RGS6: variants seen among roughly 807,000 people sequenced by gnomAD.
RGS6 encodes the protein regulator of G protein signaling 6, also known as regulator of G-protein signaling 6.
Under a neutral mutation model 78.5 loss-of-function variants are expected in RGS6, and 30 were observed. The observed-to-expected ratio is 0.38, with a 90% confidence interval of 0.29 to 0.52. The LOEUF is 0.52. Among genes scored for constraint, RGS6 ranks in the 20% least tolerant of loss-of-function variants. RGS6 has a pLI of 0.85. For synonymous variants in RGS6, 206 were observed against 206.0 expected (o/e 1.00, Z 0.00); for missense variants, 495 against 609.7 (o/e 0.81, Z 1.98).
At chr14:72,323,177 G>A (rs569891638) in intron 2 of RGS6, among the ~76,000 whole-genome samples, 5 of 151,990 alleles carry the variant, frequency 3.3e-5, no homozygotes, top group Admixed American at 2.6e-4. Flanking sequence ...AAACAATAAG[G>A]AAATACACTT....
intron 1 of RGS6, among the ~76,000 whole-genome samples, chr14:71,957,078 AGT>A (rs2092844501): frequency 6.6e-6 from 1 of 152,192 alleles, no homozygotes; most frequent in Non-Finnish European, 1.5e-5. Flanking sequence ...CATGTGAGAT[AGT>A]GACTCAGAAG....
At chr14:72,144,476 G>C (rs2096581366) in intron 2 of RGS6, among the ~76,000 whole-genome samples, 1 of 152,158 alleles carries the variant, frequency 6.6e-6, no homozygotes, top group African/African-American at 2.4e-5. Context: ...TGAGCCTTGA[G>C]GTTCAACTTT....
intron 3 of RGS6, among the ~76,000 whole-genome samples, chr14:72,422,713 C>G (rs1411002713): frequency 2.6e-5 from 4 of 152,144 alleles, no homozygotes; most frequent in African/African-American, 9.7e-5. Context: ...AAGGGCCAAG[C>G]ACAGTGGTGA....
intron 2 of RGS6, among the ~76,000 whole-genome samples, chr14:72,268,383 T>G (rs1445296851): frequency 6.6e-6 from 1 of 152,214 alleles, no homozygotes; most frequent in South Asian, 2.1e-4. Context: ...TTCATTTCAC[T>G]TCATAGCAAC....
chr14:72,252,491 C>T (rs2056054882), intron 2 of RGS6, among the ~76,000 whole-genome samples: 1 of 152,166 alleles, frequency 6.6e-6, no homozygotes, highest in Non-Finnish European at 1.5e-5. Context: ...TGTCTGTAAT[C>T]CTAGAAATAC....
intron 2 of RGS6, among the ~76,000 whole-genome samples, chr14:72,218,606 A>G (rs759840964): frequency 1.1e-4 from 17 of 151,524 alleles, no homozygotes; most frequent in Non-Finnish European, 2.2e-4. Flanking sequence ...GTTTAAATAC[A>G]TCTTATTTAT....
intron 2 of RGS6, among the ~76,000 whole-genome samples, chr14:72,246,163 T>C (rs940707661): frequency 2.0e-5 from 3 of 152,246 alleles, no homozygotes; most frequent in Non-Finnish European, 4.4e-5. Context: ...ATAACGATTG[T>C]TGACCCACTG....
At position 72,331,847 on chromosome 14, in the gene RGS6, A is replaced by C. The variant is rs150421976; in HGVS notation, c.85-20248A>C. Reference sequence around the variant, plus strand: ...TTTTCTCCGTGGACTATCCAGATGCATGCTTCTTTTACAGTTCATGTCTGC... The same window carrying C: ...TTTTCTCCGTGGACTATCCAGATGCCTGCTTCTTTTACAGTTCATGTCTGC... On this transcript the variant is annotated intron_variant, in intron 2 of 17. Transcript: ENST00000553525. Among the ~76,000 whole-genome samples the C allele has an allele frequency of 7.2e-3, 1,099 of 152,306 alleles. 17 individuals are homozygous for C. The highest frequency in any genetic ancestry group is 0.024 in the African/African-American group (1,010 of 41,570).
chr14:72,540,030 T>C lies in RGS6; in HGVS notation c.1369-11T>C. ...TATTTTTCTCCCTACCCTTTTTTTT[T>C]TTTCCTAAAGCCAGAAAGTGAGCAA... On this transcript the variant is annotated splice_polypyrimidine_tract_variant and intron_variant, in intron 16 of 17. Coordinates refer to ENST00000553525, the MANE Select transcript of RGS6 (RefSeq NM_001204424.2). 6.4e-7 allele frequency: 1 copy of C among 1,562,372 alleles called. No homozygotes were observed. Among genetic ancestry groups the C allele is most frequent in the Non-Finnish European group, 8.6e-7 (1 of 1,167,894 alleles).
At chr14:72,403,155 G>T (rs779101586) in intron 3 of RGS6, among the ~76,000 whole-genome samples, 1 of 152,128 alleles carries the variant, frequency 6.6e-6, no homozygotes, top group Non-Finnish European at 1.5e-5. Flanking sequence ...TGCACCCCAT[G>T]TTTATCACAG....
intron 2 of RGS6, among the ~76,000 whole-genome samples, chr14:71,984,828 AT>A (rs886886871): frequency 6.6e-6 from 1 of 152,018 alleles, no homozygotes; most frequent in African/African-American, 2.4e-5. Flanking sequence ...CTGCCAATGA[AT>A]TTTTTTTCCA....
intron 2 of RGS6, among the ~76,000 whole-genome samples, chr14:72,319,477 G>A (rs1258784068): frequency 6.6e-6 from 1 of 151,718 alleles, no homozygotes; most frequent in African/African-American, 2.4e-5. Context: ...AGCCTCCCAA[G>A]TAGCTGGGAC....
chr14:71,957,718 T>G (rs902847079), intron 1 of RGS6, among the ~76,000 whole-genome samples: 4 of 152,128 alleles, frequency 2.6e-5, no homozygotes, highest in African/African-American at 9.7e-5. Flanking sequence ...CACTTCTCCC[T>G]CCTAGCTTAA....
intron 3 of RGS6, among the ~76,000 whole-genome samples, chr14:72,403,312 C>T (rs2153011574): frequency 6.6e-6 from 1 of 152,278 alleles, no homozygotes; most frequent in Non-Finnish European, 1.5e-5. Flanking sequence ...CATGGATGAG[C>T]CTGGAGGACA....
intron 17 of RGS6, chr14:72,540,488 T>C: frequency 2.0e-6 from 3 of 1,493,594 alleles, no homozygotes; most frequent in Non-Finnish European, 2.7e-6. Context: ...CCATAGCTCA[T>C]CGAAAAAAAA....
At chr14:72,419,291 A>G (rs1355254255) in intron 3 of RGS6, among the ~76,000 whole-genome samples, 3 of 152,180 alleles carry the variant, frequency 2.0e-5, no homozygotes, top group Non-Finnish European at 4.4e-5. Flanking sequence ...CGCTCATTTT[A>G]TCTGCACGGC....
At chr14:72,022,476 C>CT (rs539479767) in intron 2 of RGS6, 245 of 152,300 alleles carry the variant, frequency 1.6e-3, no homozygotes, top group Admixed American at 3.9e-3. Context: ...CTGTAACTGA[C>CT]TGAACAATCA....
At chr14:72,324,505 C>G (rs1253736787) in intron 2 of RGS6, among the ~76,000 whole-genome samples, 4 of 152,142 alleles carry the variant, frequency 2.6e-5, no homozygotes, top group African/African-American at 9.7e-5. Context: ...ATCCCTCCCC[C>G]ATCCCCCTAC....
intron 7 of RGS6, among the ~76,000 whole-genome samples, chr14:72,467,971 G>A (rs757682567): frequency 4.6e-5 from 7 of 152,128 alleles, no homozygotes; most frequent in Non-Finnish European, 7.4e-5. Flanking sequence ...CCTCCTGTGT[G>A]TCTCTTCCCC....
Sources: allele counts gnomAD v4.1 joint callset (sites outside exome capture counted in the v4.1 genomes callset), GRCh38; gene constraint gnomAD v4.1.1; transcripts MANE v1.5; gene names NCBI Gene and HGNC (gene_info 2026-07-23, HGNC 2026-07-21).